Variants in BRIP1 observed in about 807,000 individuals in gnomAD.
The protein encoded by BRIP1 is BRCA1 interacting DNA helicase 1.
A neutral mutation model predicts 119.7 loss-of-function variants in BRIP1; 88 were observed. That is an observed-to-expected ratio of 0.74 (90% CI 0.62 to 0.88). BRIP1 has a LOEUF of 0.88. Among genes scored for constraint, BRIP1 ranks in the 40% least tolerant of loss-of-function variants. BRIP1 has a pLI of 0.00. For missense variants in BRIP1, 1,259 were observed against 1,455.4 expected, an observed-to-expected ratio of 0.87 and a Z score of 2.20; for synonymous variants, 443 against 496.5, an observed-to-expected ratio of 0.89 and a Z score of 1.43.
At chr17:61,741,063 C>G (rs1261434052) in intron 16 of BRIP1, among the ~76,000 whole-genome samples, 2 of 152,180 alleles carry the variant, frequency 1.3e-5, no homozygotes, top group African/African-American at 2.4e-5. Flanking sequence ...GCTTCATGCA[C>G]TAAGTTTATT....
rs1234175390 is a variant in BRIP1 at position 61,686,330 on chromosome 17, A to G, written c.2576-165T>C. On this transcript the variant is annotated intron_variant, in intron 18 of 19. Transcript: ENST00000259008. This position sits in a 1 kb window ranked among gnomAD's most constrained non-coding sequence, Gnocchi z 5.4. ...TTCTGCAATTCAGCAATTTTACTAC[A>G]TATGTATCAGTAACATATGAGTAAC... 1.3e-5 allele frequency among the ~76,000 whole-genome samples: 2 copies of G among 152,218 alleles called. No individual in the cohort carries two copies. Among genetic ancestry groups the G allele is most frequent in the African/African-American group, 2.4e-5 (1 of 41,460 alleles).
intron 13 of BRIP1, among the ~76,000 whole-genome samples, chr17:61,779,332 C>T (rs1007880821): frequency 3.9e-5 from 6 of 152,218 alleles, no homozygotes; most frequent in Middle Eastern, 3.2e-3. Flanking sequence ...GTCCCAGCTA[C>T]TCAGGAGGCT....
In BRIP1 at chr17:61,808,695, C is replaced by G. The variant is rs751460179; in HGVS notation, c.690G>C (p.Ser230=). ...STKQGNSQES[S]NTIKKDHTGK... The stretch of plus-strand genomic sequence containing the variant: ...CTGTATGATCCTTCTTAATGGTATT[C>G]GATGACTCTTGACTGTTTCCTTGTT... The change falls in exon 7 of 20, where the codon TCG becomes TCC. Residue 230 remains serine (S), a synonymous_variant. Transcript: ENST00000259008. The surrounding 1 kb of genome is among the most constrained non-coding windows in gnomAD (Gnocchi z 4.1). 1 of 1,613,806 alleles carries G rather than the reference C, an allele frequency of 6.2e-7. No homozygotes were observed. The highest frequency in any genetic ancestry group is 8.5e-7 in the Non-Finnish European group (1 of 1,179,878).
chr17:61,801,337 A>G lies in BRIP1; in HGVS notation c.1056T>C (p.Tyr352=). 1.2e-6 allele frequency: 2 copies of G among 1,614,070 alleles called. No homozygotes were observed. The highest frequency in any genetic ancestry group is 1.1e-5 in the South Asian group (1 of 91,074). The change falls in exon 8 of 20, where the codon TAT becomes TAC. Residue 352 remains tyrosine, a synonymous_variant. Transcript: ENST00000259008. ...CTTGTATTAGTTCTCGGGCTGTGTA[A>G]TATGGACAGGCCTTTAGTTTCTTCC... ...SLGKKLKACP[Y]YTARELIQDA... is the part of the protein sequence containing the mutation.
chr17:61,683,145 A>C lies in BRIP1; in HGVS notation c.*151T>G, dbSNP rs538867472. 70 of 1,039,688 alleles carry C rather than the reference A, an allele frequency of 6.7e-5. 1 individual carries two copies. In the South Asian group the frequency reaches 1.0e-3, roughly 15 times the overall value. The allele number at this position is 1,039,688 out of a possible 1,614,324, so 64.4% of individuals were successfully genotyped here. A position where few individuals can be genotyped will look rare whatever the true frequency, so the allele number is the denominator to read the frequency against. On this transcript the variant is annotated 3_prime_UTR_variant, in exon 20 of 20. Coordinates refer to ENST00000259008, the MANE Select transcript of BRIP1 (RefSeq NM_032043.3). The surrounding 1 kb of genome is among the most constrained non-coding windows in gnomAD (Gnocchi z 4.7). The stretch of plus-strand genomic sequence containing the variant: ...GACTCTGTCTCAAAAAAAAAAACCC[A>C]AAAACTCAAGAATAATAACATTTAC...
At chr17:61,854,423 T>C (rs1401777927) in intron 4 of BRIP1, among the ~76,000 whole-genome samples, 2 of 151,388 alleles carry the variant, frequency 1.3e-5, no homozygotes, top group Non-Finnish European at 3.0e-5. Flanking sequence ...TCTTAAAAAG[T>C]TGGCCAGGCA....
intron 16 of BRIP1, among the ~76,000 whole-genome samples, chr17:61,718,494 C>G (rs952155191): frequency 1.3e-5 from 2 of 152,176 alleles, no homozygotes; most frequent in African/African-American, 4.8e-5. Flanking sequence ...GTAGCTTCCT[C>G]TCATGTATAT....
Position 61,743,447 on chromosome 17 carries a change from T to C in BRIP1, c.2258-313A>G, listed in dbSNP as rs2077013910. On this transcript the variant is annotated intron_variant, in intron 15 of 19. Transcript: ENST00000259008. This position sits in a 1 kb window ranked among gnomAD's most constrained non-coding sequence, Gnocchi z 4.3. ...TGTGATTATAAACAGGTTTATTTAA[T>C]AAAAATTGAAGTTGCATTATTACCT... Among the ~76,000 whole-genome samples the C allele has an allele frequency of 6.6e-6, 1 of 152,168 alleles. No homozygotes were observed. The highest frequency in any genetic ancestry group is 2.1e-4 in the South Asian group (1 of 4,838).
At position 61,744,642 on chromosome 17, in the gene BRIP1, CTT is replaced by C. The variant is rs1273266872; in HGVS notation, c.2098-53_2098-52del. On this transcript the variant is annotated intron_variant, in intron 14 of 19. Coordinates refer to ENST00000259008, the MANE Select transcript of BRIP1 (RefSeq NM_032043.3). This position sits in a 1 kb window ranked among gnomAD's most constrained non-coding sequence, Gnocchi z 5.0. ...TTTTTTGTGTGTCTAGCTAAACAAA[CTT>C]AACTTCATTTGTTTAAGCCAATGTG... 3 of 1,512,718 alleles carry C rather than the reference CTT, an allele frequency of 2.0e-6. No homozygotes were observed. The highest frequency in any genetic ancestry group is 2.8e-6 in the Non-Finnish European group (3 of 1,088,914). The allele number at this position is 1,512,718 out of a possible 1,614,324, so 93.7% of individuals were successfully genotyped here.
chr17:61,688,575 A>G (rs1203593301), intron 18 of BRIP1, among the ~76,000 whole-genome samples: 1 of 152,158 alleles, frequency 6.6e-6, no homozygotes, highest in Non-Finnish European at 1.5e-5. Context: ...AGGCTCCCAG[A>G]ATGCCTACCA....
At position 61,693,807 on chromosome 17, in the gene BRIP1, TTTC is replaced by T. The variant is rs2061485172; in HGVS notation, c.2493-298_2493-296del. Among the ~76,000 whole-genome samples the T allele has an allele frequency of 6.6e-6, 1 of 152,130 alleles. No homozygotes were observed. Among genetic ancestry groups the T allele is most frequent in the African/African-American group, 2.4e-5 (1 of 41,458 alleles). Reference sequence around the variant, plus strand: ...GATCTTTCTTAGCCACATAGACTGTTTTCTTTTTTTTACCTTAAGTATTATAAA... The same window carrying T: ...GATCTTTCTTAGCCACATAGACTGTTTTTTTTTTACCTTAAGTATTATAAA... On this transcript the variant is annotated intron_variant, in intron 17 of 19. Coordinates refer to ENST00000259008, the MANE Select transcript of BRIP1 (RefSeq NM_032043.3). The surrounding 1 kb of genome is among the most constrained non-coding windows in gnomAD (Gnocchi z 4.2).
Position 61,680,070 on chromosome 17 carries a change from T to C in BRIP1, c.*3226A>G, listed in dbSNP as rs1464094119. Among the ~76,000 whole-genome samples, 1 of 151,716 alleles carries C rather than the reference T, an allele frequency of 6.6e-6. No individual in the cohort carries two copies. The highest frequency in any genetic ancestry group is 1.5e-5 in the Non-Finnish European group (1 of 67,934). ...GAATAAAAAATATCTAGGCCAGGCA[T>C]GGTGGCTCACGCCTGTAATCCCAAC... On this transcript the variant is annotated 3_prime_UTR_variant, in exon 20 of 20. Coordinates refer to ENST00000259008, the MANE Select transcript of BRIP1 (RefSeq NM_032043.3).
intron 10 of BRIP1, among the ~76,000 whole-genome samples, chr17:61,786,950 A>T (rs1383925983): frequency 4.9e-4 from 51 of 104,286 alleles, no homozygotes; most frequent in African/African-American, 8.4e-4. Flanking sequence ...ATTTATATAT[A>T]ATATATTTAT....
rs2078542871 is a variant in BRIP1 at position 61,834,542 on chromosome 17, C to T, written c.627+12559G>A. ...TTCTACTTATCTTTGTATATAAGCT[C>T]CCTTTCAAGGTTACTTTGTAGCTCT... On this transcript the variant is annotated intron_variant, in intron 6 of 19. Transcript: ENST00000259008. The surrounding 1 kb of genome is among the most constrained non-coding windows in gnomAD (Gnocchi z 4.4). Among the ~76,000 whole-genome samples, 1 of 152,088 alleles carries T rather than the reference C, an allele frequency of 6.6e-6. No individual in the cohort carries two copies. The highest frequency in any genetic ancestry group is 1.5e-5 in the Non-Finnish European group (1 of 68,020).
At chr17:61,723,618 G>T (rs2062017975) in intron 16 of BRIP1, among the ~76,000 whole-genome samples, 1 of 152,178 alleles carries the variant, frequency 6.6e-6, no homozygotes. Flanking sequence ...ACCATAAACT[G>T]AGCTCAAGTG....
In BRIP1 at chr17:61,805,822, C is replaced by T. The variant is rs867647672; in HGVS notation, c.918+2645G>A. 3.9e-5 allele frequency among the ~76,000 whole-genome samples: 6 copies of T among 152,040 alleles called. No individual in the cohort carries two copies. The highest frequency in any genetic ancestry group is 1.4e-4 in the African/African-American group (6 of 41,422). On this transcript the variant is annotated intron_variant, in intron 7 of 19. Transcript: ENST00000259008. The surrounding 1 kb of genome is among the most constrained non-coding windows in gnomAD (Gnocchi z 5.6). ...CTTCCATACAATTCTGAAAGCTTAC[C>T]TTTATACAAAATGATCACTAAAGTG...
Position 61,709,926 on chromosome 17 carries a change from T to C in BRIP1, c.2492+6025A>G, listed in dbSNP as rs2061746538. On this transcript the variant is annotated intron_variant, in intron 17 of 19. Transcript: ENST00000259008. This position sits in a 1 kb window ranked among gnomAD's most constrained non-coding sequence, Gnocchi z 5.0. ...GGAATCCATTGGTTTCTGCTTACTT[T>C]AGATCTTCTGTATCCCTTACAAGAA... Among the ~76,000 whole-genome samples, 1 of 152,228 alleles carries C rather than the reference T, an allele frequency of 6.6e-6. No individual in the cohort carries two copies. Among genetic ancestry groups the C allele is most frequent in the Admixed American group, 6.5e-5 (1 of 15,274 alleles).
intron 16 of BRIP1, among the ~76,000 whole-genome samples, chr17:61,728,207 T>C (rs2076795819): frequency 6.6e-6 from 1 of 152,116 alleles, no homozygotes. Flanking sequence ...ATTCAGAGCT[T>C]TTCAAATGTG....
chr17:61,785,244 G>A (rs1214680404), intron 10 of BRIP1, among the ~76,000 whole-genome samples: 1 of 152,128 alleles, frequency 6.6e-6, no homozygotes, highest in Non-Finnish European at 1.5e-5. Flanking sequence ...AATGACTTAA[G>A]GAAACAATAC....
Sources: allele counts gnomAD v4.1 joint callset (sites outside exome capture counted in the v4.1 genomes callset), GRCh38; gene constraint gnomAD v4.1.1; non-coding constraint Gnocchi (gnomAD v3.1); transcripts MANE v1.5; gene names NCBI Gene and HGNC (gene_info 2026-07-23, HGNC 2026-07-21).